TSPAN12: variants seen among roughly 807,000 people sequenced by gnomAD.
TSPAN12 encodes tetraspanin 12.
In TSPAN12, 19 loss-of-function variants were observed where a neutral mutation model predicts 39.2. That is an observed-to-expected ratio of 0.49 (90% CI 0.34 to 0.71). The LOEUF is 0.71. Among genes scored for constraint, TSPAN12 ranks in the 30% least tolerant of loss-of-function variants. TSPAN12 has a pLI of 0.01. For synonymous variants in TSPAN12, 119 were observed against 124.8 expected, an observed-to-expected ratio of 0.95 and a Z score of 0.31; for missense variants, 314 against 359.9, an observed-to-expected ratio of 0.87 and a Z score of 1.03.
chr7:120,788,470 G>T lies in TSPAN12; in HGVS notation c.*122C>A. On this transcript the variant is annotated 3_prime_UTR_variant, in exon 8 of 8. Coordinates refer to ENST00000222747, the MANE Select transcript of TSPAN12 (RefSeq NM_012338.4). ...CATTTTAAAGCATAGAATAGTATATGCTTAGGTGTTATTTTATGGCAACAT... is the reference window on the plus strand; with the variant it reads ...CATTTTAAAGCATAGAATAGTATATTCTTAGGTGTTATTTTATGGCAACAT... The T allele has an allele frequency of 1.7e-6, 2 of 1,185,266 alleles. No homozygotes were observed. Among genetic ancestry groups the T allele is most frequent in the Non-Finnish European group, 2.5e-6 (2 of 808,792 alleles). 73.4% of individuals were successfully genotyped at this position (1,185,266 alleles called of 1,614,324 possible).
At chr7:120,828,944 A>AAT (rs1794339826) in intron 4 of TSPAN12, among the ~76,000 whole-genome samples, 2 of 152,128 alleles carry the variant, frequency 1.3e-5, no homozygotes, top group African/African-American at 4.8e-5. Context: ...TTAAATCTTT[A>AAT]GAATTGTATT....
intron 2 of TSPAN12, among the ~76,000 whole-genome samples, chr7:120,851,058 A>G: frequency 6.6e-6 from 1 of 152,192 alleles, no homozygotes; most frequent in East Asian, 1.9e-4. Context: ...AGGGCTTTCC[A>G]CTATTCCTTA....
chr7:120,795,366 C>A (rs1487428000), intron 7 of TSPAN12, among the ~76,000 whole-genome samples: 1 of 152,136 alleles, frequency 6.6e-6, no homozygotes, highest in East Asian at 1.9e-4. Context: ...AATAACACTA[C>A]CTTTATCAGA....
intron 2 of TSPAN12, among the ~76,000 whole-genome samples, chr7:120,847,370 T>C (rs1284762373): frequency 6.6e-6 from 1 of 152,148 alleles, no homozygotes; most frequent in Non-Finnish European, 1.5e-5. Context: ...CCTAAATCAA[T>C]TCAGAAATGG....
At chr7:120,831,772 AATG>A (rs1794395435) in intron 4 of TSPAN12, among the ~76,000 whole-genome samples, 1 of 152,046 alleles carries the variant, frequency 6.6e-6, no homozygotes. Flanking sequence ...TATATTTAAT[AATG>A]ATAAGTTGTA....
intron 2 of TSPAN12, among the ~76,000 whole-genome samples, chr7:120,844,004 C>A (rs1220822064): frequency 1.3e-5 from 2 of 152,096 alleles, no homozygotes; most frequent in African/African-American, 4.8e-5. Flanking sequence ...TCAGGCTGTA[C>A]AGGAAACATG....
chr7:120,811,835 T>C (rs1175134806), intron 5 of TSPAN12, among the ~76,000 whole-genome samples: 2 of 152,050 alleles, frequency 1.3e-5, no homozygotes. Flanking sequence ...CTCACTCGTA[T>C]GTGGGAGCTA....
intron 7 of TSPAN12, among the ~76,000 whole-genome samples, chr7:120,792,163 T>C (rs1396194910): frequency 6.6e-6 from 1 of 152,180 alleles, no homozygotes; most frequent in East Asian, 1.9e-4. Flanking sequence ...GCCAAGAGCC[T>C]GCAATCCTGG....
intron 7 of TSPAN12, among the ~76,000 whole-genome samples, chr7:120,800,125 A>G (rs1793737601): frequency 1.3e-5 from 2 of 152,058 alleles, no homozygotes; most frequent in Non-Finnish European, 2.9e-5. Flanking sequence ...TCATTTGCCA[A>G]GGACAGCAGA....
chr7:120,790,889 G>T (rs894417262), intron 7 of TSPAN12, among the ~76,000 whole-genome samples: 2 of 152,150 alleles, frequency 1.3e-5, no homozygotes, highest in African/African-American at 4.8e-5. Flanking sequence ...TATCTTTGAA[G>T]AAATTGATAT....
chr7:120,839,037 C>T, intron 3 of TSPAN12, 125 bp from the exon 4 acceptor site: 2 of 950,372 alleles, frequency 2.1e-6, no homozygotes, highest in South Asian at 2.9e-5. Context: ...AAACTAGTGA[C>T]TGCATTGTTA....
Position 120,806,628 on chromosome 7 carries a change from G to A in TSPAN12, c.533C>T (p.Pro178Leu). Residue 178 changes from proline (P) to leucine (L), a missense_variant, in exon 7 of 8, where the codon CCA (proline) becomes CTA (leucine). Physicochemically the swap from Pro to Leu is moderately conservative, Grantham distance 98. Coordinates refer to ENST00000222747, the MANE Select transcript of TSPAN12 (RefSeq NM_012338.4). Reference protein sequence around the residue: ...WLEMTEMDWPPDSCCVREFPG... With the variant: ...WLEMTEMDWPLDSCCVREFPG... The stretch of plus-strand genomic sequence containing the variant: ...GAATTCTCTAACACAGCAGGAATCT[G>A]GGGGCCAGTCCATCTCTGTCATTTC... 6.2e-7 allele frequency: 1 copy of A among 1,613,488 alleles called. No homozygotes were observed. Among genetic ancestry groups the A allele is most frequent in the Non-Finnish European group, 8.5e-7 (1 of 1,179,622 alleles).
chr7:120,801,223 T>C (rs773055814), intron 7 of TSPAN12, among the ~76,000 whole-genome samples: 1 of 152,134 alleles, frequency 6.6e-6, no homozygotes, highest in Non-Finnish European at 1.5e-5. Flanking sequence ...CATACACATT[T>C]GTCATCATGG....
intron 6 of TSPAN12, among the ~76,000 whole-genome samples, chr7:120,808,282 C>T (rs946331288): frequency 2.6e-5 from 4 of 152,108 alleles, no homozygotes; most frequent in African/African-American, 9.7e-5. Context: ...ATACGATGCT[C>T]AGTGCTGAAC....
intron 7 of TSPAN12, among the ~76,000 whole-genome samples, chr7:120,797,700 C>T (rs1584923321): frequency 6.6e-6 from 1 of 152,168 alleles, no homozygotes; most frequent in Non-Finnish European, 1.5e-5. Context: ...AAATCAGAGT[C>T]AAGAATGCTT....
intron 4 of TSPAN12, among the ~76,000 whole-genome samples, chr7:120,826,696 G>T (rs1396523666): frequency 6.6e-6 from 1 of 152,072 alleles, no homozygotes; most frequent in Non-Finnish European, 1.5e-5. Context: ...AGAGGGGAAT[G>T]AGTTCACTAT....
chr7:120,827,376 G>A (rs576326054), intron 4 of TSPAN12, among the ~76,000 whole-genome samples: 2 of 152,134 alleles, frequency 1.3e-5, no homozygotes, highest in East Asian at 3.9e-4. Context: ...ATATATTCAT[G>A]CACATACACT....
At chr7:120,856,583 G>T (rs1794873981) in intron 2 of TSPAN12, 115 bp downstream of exon 2, 2 of 1,042,706 alleles carry the variant, frequency 1.9e-6, no homozygotes, top group Non-Finnish European at 3.0e-6. Flanking sequence ...AAAATAAAGG[G>T]TGTTATCCCA....
At chr7:120,826,871 C>T (rs916478311) in intron 4 of TSPAN12, among the ~76,000 whole-genome samples, 2 of 152,038 alleles carry the variant, frequency 1.3e-5, no homozygotes, top group African/African-American at 4.8e-5. Context: ...TACAGACATG[C>T]ACCACCATGC....
Sources: gnomAD v4.1 joint callset for allele counts (sites outside exome capture counted in the v4.1 genomes callset) on GRCh38, gnomAD v4.1.1 for gene constraint, MANE v1.5 for transcripts, NCBI Gene and HGNC (gene_info 2026-07-23, HGNC 2026-07-21) for gene names.